Variants in TMEM38B observed in about 807,000 individuals in gnomAD.
TMEM38B encodes the protein transmembrane protein 38B.
Under a neutral mutation model 28.7 loss-of-function variants are expected in TMEM38B, and 24 were observed. The observed-to-expected ratio is 0.84, with a 90% CI of 0.61 to 1.18. The LOEUF (loss-of-function observed/expected upper bound fraction) is 1.18, where lower values mean the gene tolerates loss of function less well. Among genes scored for constraint, TMEM38B ranks in the 50% most tolerant of loss-of-function variants. The probability of loss-of-function intolerance (pLI) is 0.00; values close to 1 mark genes in which losing one functional copy is unlikely to be tolerated. For missense variants in TMEM38B, 380 were observed against 350.9 expected (o/e 1.08, Z -0.66); for synonymous variants, 131 against 127.7 (o/e 1.03, Z -0.17).
At chr9:105,696,658 C>A (rs996281635) in intron 1 of TMEM38B, among the ~76,000 whole-genome samples, 1 of 152,130 alleles carries the variant, frequency 6.6e-6, no homozygotes, top group Non-Finnish European at 1.5e-5. Flanking sequence ...TAGAAAGAAA[C>A]CTTTAAAAGG....
At chr9:105,765,173 G>T (rs951583099) in intron 5 of TMEM38B, among the ~76,000 whole-genome samples, 2 of 152,026 alleles carry the variant, frequency 1.3e-5, no homozygotes, top group Non-Finnish European at 2.9e-5. Flanking sequence ...TTTGTTTATA[G>T]ATTTGTAAAA....
chr9:105,751,850 G>C (rs985116634), intron 5 of TMEM38B, among the ~76,000 whole-genome samples: 7 of 152,120 alleles, frequency 4.6e-5, no homozygotes, highest in African/African-American at 1.4e-4. Flanking sequence ...GCTTCTTTAA[G>C]CAGGACCCTG....
chr9:105,743,281 TAATTTA>T (rs1837270551), intron 4 of TMEM38B, among the ~76,000 whole-genome samples: 3 of 152,208 alleles, frequency 2.0e-5, no homozygotes, highest in South Asian at 4.1e-4. Flanking sequence ...GAATTTGTTG[TAATTTA>T]TTGCCATAGC....
At chr9:105,710,675 T>C (rs377201817) in intron 2 of TMEM38B, 17 of 702,172 alleles carry the variant, frequency 2.4e-5, no homozygotes, top group South Asian at 2.2e-4. Flanking sequence ...ACATCAACTA[T>C]AGGATCATAA....
At chr9:105,712,200 C>A (rs888952544) in intron 2 of TMEM38B, among the ~76,000 whole-genome samples, 1 of 152,170 alleles carries the variant, frequency 6.6e-6, no homozygotes, top group African/African-American at 2.4e-5. Flanking sequence ...CAGGCTTGAG[C>A]CACTGTGCCC....
intron 1 of TMEM38B, among the ~76,000 whole-genome samples, chr9:105,696,569 A>G (rs1451582020): frequency 1.3e-5 from 2 of 152,234 alleles, no homozygotes; most frequent in African/African-American, 4.8e-5. Flanking sequence ...ATGAAGAACA[A>G]TTGTTGCATA....
chr9:105,774,248 G>T lies in TMEM38B; in HGVS notation c.*168G>T, dbSNP rs993302338. ...GAGGGAGACTTCCCCTTTCTGGATT[G>T]TATTTGTAGAGTGTTACGAGTGTAT... On this transcript the variant is annotated 3_prime_UTR_variant, in exon 6 of 6. Transcript: ENST00000374692. The T allele has an allele frequency of 1.5e-5, 9 of 608,828 alleles. No individual in the cohort carries two copies. In the Admixed American group the frequency reaches 1.5e-4, roughly 10 times the overall value. The allele number at this position is 608,828 out of a possible 1,614,324, so 37.7% of individuals were successfully genotyped here.
intron 2 of TMEM38B, among the ~76,000 whole-genome samples, chr9:105,716,635 GAATCCA>G (rs879390378): frequency 0.18 from 27,336 of 151,800 alleles, 3,524 homozygotes; most frequent in East Asian, 0.46. Flanking sequence ...TGAACTGTGT[GAATCCA>G]CTTATGTGCA....
chr9:105,728,221 T>G (rs1055993029), intron 4 of TMEM38B, among the ~76,000 whole-genome samples: 1 of 152,168 alleles, frequency 6.6e-6, no homozygotes, highest in African/African-American at 2.4e-5. Context: ...TAGGTATTTC[T>G]CCTAACACTA....
intron 2 of TMEM38B, among the ~76,000 whole-genome samples, chr9:105,721,267 C>T (rs1041532410): frequency 6.6e-6 from 1 of 152,172 alleles, no homozygotes; most frequent in African/African-American, 2.4e-5. Flanking sequence ...TAAGAGCTCA[C>T]TAAATATTTC....
intron 5 of TMEM38B, among the ~76,000 whole-genome samples, chr9:105,754,262 A>T (rs996661984): frequency 3.3e-5 from 5 of 152,138 alleles, no homozygotes; most frequent in African/African-American, 1.2e-4. Flanking sequence ...TCAGGACCTG[A>T]CCTCAGCTCT....
intron 5 of TMEM38B, among the ~76,000 whole-genome samples, chr9:105,763,608 G>A (rs1414602062): frequency 2.0e-5 from 3 of 152,114 alleles, no homozygotes; most frequent in Non-Finnish European, 1.5e-5. Context: ...CAACCAAAAA[G>A]AGTCCAGGAC....
Position 105,721,712 on chromosome 9 carries a change from T to C in TMEM38B, c.445T>C (p.Trp149Arg), listed in dbSNP as rs1836327636. ...CTGGATAGTCATGATAGCTATTGGA[T>C]GGGCCCGAGGTAATATTGACAATAT... is the stretch of plus-strand genomic sequence containing the variant. ...NGWIVMIAIG[W>R]ARGAGGTIIT... Residue 149 changes from tryptophan (W) to arginine (R), a missense_variant, in exon 3 of 6, where the codon TGG (tryptophan) becomes CGG (arginine). Trp to Arg is a moderately radical substitution (Grantham distance 101, BLOSUM62 -3). Coordinates refer to ENST00000374692, the MANE Select transcript of TMEM38B (RefSeq NM_018112.3). 2 of 1,611,646 alleles carry C rather than the reference T, an allele frequency of 1.2e-6. No homozygotes were observed. The highest frequency in any genetic ancestry group is 1.7e-6 in the Non-Finnish European group (2 of 1,178,556).
At chr9:105,705,828 T>A in intron 2 of TMEM38B, 75 bp downstream of exon 2, 2 of 1,486,372 alleles carry the variant, frequency 1.3e-6, no homozygotes, top group Non-Finnish European at 1.8e-6. Context: ...TGAATTTTTT[T>A]TTCTTTGAAC....
intron 5 of TMEM38B, among the ~76,000 whole-genome samples, chr9:105,749,687 A>G (rs1461495598): frequency 6.6e-6 from 1 of 152,258 alleles, no homozygotes; most frequent in Non-Finnish European, 1.5e-5. Flanking sequence ...CACTCCAAAA[A>G]GAAACATCGT....
intron 1 of TMEM38B, chr9:105,702,809 A>C (rs942313269): frequency 6.6e-6 from 1 of 152,112 alleles, no homozygotes; most frequent in Non-Finnish European, 1.5e-5. Context: ...CCTCCTGAGT[A>C]GCTGAGACTA....
intron 2 of TMEM38B, among the ~76,000 whole-genome samples, chr9:105,715,118 C>G (rs1217205399): frequency 6.6e-6 from 1 of 152,050 alleles, no homozygotes; most frequent in African/African-American, 2.4e-5. Context: ...GTATTATGCA[C>G]ACAGTAGTCT....
intron 4 of TMEM38B, among the ~76,000 whole-genome samples, chr9:105,740,735 C>A (rs1837172348): frequency 6.6e-6 from 1 of 152,172 alleles, no homozygotes; most frequent in African/African-American, 2.4e-5. Flanking sequence ...TCTTTTCCTT[C>A]TCCACCTCCA....
intron 4 of TMEM38B, among the ~76,000 whole-genome samples, chr9:105,736,057 T>G (rs866927798): frequency 2.1e-5 from 2 of 96,398 alleles, no homozygotes; most frequent in South Asian, 2.8e-4. Context: ...TTTTTTTTGT[T>G]TTTTTTTTTT....
Sources: allele counts gnomAD v4.1 joint callset (sites outside exome capture counted in the v4.1 genomes callset), GRCh38; gene constraint gnomAD v4.1.1; transcripts MANE v1.5; gene names NCBI Gene and HGNC (gene_info 2026-07-23, HGNC 2026-07-21).